Variants in KIAA0586 observed in about 807,000 individuals in gnomAD.
KIAA0586 encodes KIAA0586, also known as protein TALPID3.
KIAA0586 carries 144 observed loss-of-function variants against 169.8 expected under a neutral mutation model. The observed-to-expected ratio is 0.85, with a 90% CI of 0.74 to 0.97. KIAA0586 has a LOEUF of 0.97. Among genes scored for constraint, KIAA0586 ranks in the 50% least tolerant of loss-of-function variants. The probability of loss-of-function intolerance (pLI) is 0.00; values close to 1 mark genes in which losing one functional copy is unlikely to be tolerated. For synonymous variants in KIAA0586, 625 were observed against 612.4 expected (o/e 1.02, Z -0.30); for missense variants, 1,854 against 1,823.0 (o/e 1.02, Z -0.31).
chr14:58,457,519 C>T (rs1264136323), intron 10 of KIAA0586, among the ~76,000 whole-genome samples: 16 of 152,172 alleles, frequency 1.1e-4, no homozygotes, highest in Admixed American at 7.9e-4. Context: ...CCACCTGCCT[C>T]GGCCTCCCAA....
intron 29 of KIAA0586, among the ~76,000 whole-genome samples, chr14:58,529,247 C>G (rs1277711338): frequency 6.6e-6 from 1 of 152,092 alleles, no homozygotes; most frequent in Non-Finnish European, 1.5e-5. Flanking sequence ...CAGGACCAGA[C>G]AAATTCACAG....
chr14:58,544,349 TG>T (rs1223138372), intron 30 of KIAA0586, among the ~76,000 whole-genome samples: 3 of 152,214 alleles, frequency 2.0e-5, no homozygotes, highest in Admixed American at 6.5e-5. Flanking sequence ...TGTGTCTTTA[TG>T]GTAGACTGAT....
chr14:58,461,122 C>A lies in KIAA0586; in HGVS notation c.2021C>A (p.Ser674Tyr), dbSNP rs751918419. 5 of 1,605,208 alleles carry A rather than the reference C, an allele frequency of 3.1e-6. No individual in the cohort carries two copies. The South Asian group carries it at 5.6e-5, about 18-fold the overall frequency. ...YLRFNSPSPK[S>Y]RPQRPKVIER... The stretch of plus-strand genomic sequence containing the variant: ...AGATTTAATTCTCCATCTCCTAAGT[C>A]CAGACCACAGAGACCAAAAGTAATA... Residue 674 changes from serine (S) to tyrosine (Y), a missense_variant, in exon 14 of 31, where the codon TCC (serine) becomes TAC (tyrosine). Physicochemically the swap from Ser to Tyr is moderately radical, Grantham distance 144. Transcript: ENST00000652326.
intron 28 of KIAA0586, among the ~76,000 whole-genome samples, chr14:58,512,103 C>A (rs888730820): frequency 1.3e-5 from 2 of 152,006 alleles, no homozygotes; most frequent in Admixed American, 6.6e-5. Context: ...AAAAGCTCTT[C>A]GAAAATTGCA....
intron 27 of KIAA0586, among the ~76,000 whole-genome samples, chr14:58,505,420 C>T (rs1305983285): frequency 6.6e-6 from 1 of 152,172 alleles, no homozygotes; most frequent in Non-Finnish European, 1.5e-5. Context: ...TAAGTATCCA[C>T]ACACACATCC....
At chr14:58,433,728 G>A (rs1318407475) in intron 4 of KIAA0586, among the ~76,000 whole-genome samples, 2 of 152,186 alleles carry the variant, frequency 1.3e-5, no homozygotes, top group African/African-American at 4.8e-5. Context: ...TATAAAAGCT[G>A]AAGGAAGCTG....
chr14:58,490,206 G>C lies in KIAA0586; in HGVS notation c.3824G>C (p.Ser1275Thr), dbSNP rs748648408. ...CTGTACCTGACAAACCTTAATGATA[G>C]CTTATCCAGCACTCTGCATGATGCC... is the stretch of plus-strand genomic sequence containing the variant. ...IGLYLTNLND[S>T]LSSTLHDAVE... The change falls in exon 25 of 31, where the codon AGC (serine) becomes ACC (threonine). Residue 1275 changes from serine (S) to threonine (T), a missense_variant. Transcript: ENST00000652326. 1.9e-6 allele frequency: 3 copies of C among 1,543,984 alleles called. No individual in the cohort carries two copies. In the African/African-American group the frequency reaches 4.1e-5, roughly 21 times the overall value.
chr14:58,463,725 G>T (rs1208392263), intron 14 of KIAA0586, among the ~76,000 whole-genome samples: 2 of 152,074 alleles, frequency 1.3e-5, no homozygotes, highest in Non-Finnish European at 2.9e-5. Flanking sequence ...GGCTGAGGTG[G>T]GAGGATCACT....
chr14:58,535,022 T>C (rs2046198182), intron 29 of KIAA0586, among the ~76,000 whole-genome samples: 1 of 152,088 alleles, frequency 6.6e-6, no homozygotes, highest in Admixed American at 6.6e-5. Flanking sequence ...TCAGCCACAG[T>C]CTCTACTCCC....
intron 27 of KIAA0586, among the ~76,000 whole-genome samples, chr14:58,502,250 C>T (rs1161282943): frequency 6.6e-6 from 1 of 152,148 alleles, no homozygotes; most frequent in Non-Finnish European, 1.5e-5. Flanking sequence ...ATTCTCCTAC[C>T]TCAGCCTCCT....
intron 18 of KIAA0586, among the ~76,000 whole-genome samples, chr14:58,473,617 G>T (rs977677595): frequency 6.6e-6 from 1 of 152,104 alleles, no homozygotes; most frequent in East Asian, 1.9e-4. Context: ...AAAGAAAAGA[G>T]ACTTAAGGCC....
chr14:58,530,649 C>T (rs954303911), intron 29 of KIAA0586, among the ~76,000 whole-genome samples: 1 of 152,190 alleles, frequency 6.6e-6, no homozygotes, highest in Non-Finnish European at 1.5e-5. Context: ...ATGCAGAAAA[C>T]TGAAACTGGA....
At chr14:58,505,649 C>A (rs2043886720) in intron 27 of KIAA0586, among the ~76,000 whole-genome samples, 1 of 152,168 alleles carries the variant, frequency 6.6e-6, no homozygotes, top group South Asian at 2.1e-4. Context: ...TTACATACCT[C>A]AGTAGAAATA....
intron 22 of KIAA0586, among the ~76,000 whole-genome samples, chr14:58,487,391 G>A (rs754780874): frequency 6.6e-6 from 1 of 152,010 alleles, no homozygotes; most frequent in Non-Finnish European, 1.5e-5. Context: ...GGTGAATCAC[G>A]AGGTCAGGAG....
In KIAA0586 at chr14:58,458,556, G is replaced by GA. The variant is rs1191505184; in HGVS notation, c.1656+18dup. 9 of 1,423,554 alleles carry GA rather than the reference G, an allele frequency of 6.3e-6. No homozygotes were observed. Among genetic ancestry groups the GA allele is most frequent in the African/African-American group, 2.9e-5 (2 of 69,526 alleles). The allele number at this position is 1,423,554 out of a possible 1,614,324, so 88.2% of individuals were successfully genotyped here. A position where few individuals can be genotyped will look rare whatever the true frequency, so the allele number is the denominator to read the frequency against. On this transcript the variant is annotated intron_variant, in intron 12 of 30. Coordinates refer to ENST00000652326, the MANE Select transcript of KIAA0586 (RefSeq NM_001329943.3). Reference sequence around the variant, plus strand: ...TCTGCAGAAATTCAGGTATGTCTTGGAAAAAAACTGAAAATTAAGTGAATT... The same window carrying GA: ...TCTGCAGAAATTCAGGTATGTCTTGGAAAAAAAACTGAAAATTAAGTGAATT...
chr14:58,521,779 A>AG, intron 29 of KIAA0586: 1 of 804,482 alleles, frequency 1.2e-6, no homozygotes, highest in South Asian at 1.3e-5. Flanking sequence ...AAGTCGGAAG[A>AG]GGAGCAGAGC....
intron 17 of KIAA0586, among the ~76,000 whole-genome samples, chr14:58,471,131 G>A (rs1743713): frequency 0.98 from 148,868 of 152,336 alleles, 72,827 homozygotes; most frequent in Non-Finnish European, 1. Flanking sequence ...AATTACAGGC[G>A]TGAGCCACCA....
At chr14:58,489,188 T>C (rs979230728) in intron 24 of KIAA0586, among the ~76,000 whole-genome samples, 1 of 151,590 alleles carries the variant, frequency 6.6e-6, no homozygotes, top group East Asian at 1.9e-4. Context: ...CCTTTAAAAA[T>C]AGGATCTTAC....
chr14:58,541,719 A>G (rs1440797349), intron 30 of KIAA0586, among the ~76,000 whole-genome samples: 2 of 152,246 alleles, frequency 1.3e-5, no homozygotes, highest in Non-Finnish European at 2.9e-5. Flanking sequence ...AATATTTTTA[A>G]AGCAAAAAAT....
Sources: gnomAD v4.1 joint callset for allele counts (sites outside exome capture counted in the v4.1 genomes callset) on GRCh38, gnomAD v4.1.1 for gene constraint, MANE v1.5 for transcripts, NCBI Gene and HGNC (gene_info 2026-07-23, HGNC 2026-07-21) for gene names.